The following CFAP54 variants were observed in gnomAD, a reference collection of about 807,000 sequenced individuals.
CFAP54 encodes the protein cilia- and flagella-associated protein 54.
In CFAP54, 290 loss-of-function variants were observed where a neutral mutation model predicts 370.4. The observed-to-expected ratio is 0.78, with a 90% confidence interval of 0.71 to 0.86. The LOEUF is 0.86. Among genes scored for constraint, CFAP54 ranks in the 40% least tolerant of loss-of-function variants. The pLI is 0.00. For missense variants in CFAP54, 3,399 were observed against 3,528.7 expected (o/e 0.96, Z 0.93); for synonymous variants, 1,206 against 1,236.5 (o/e 0.98, Z 0.52).
At chr12:96,644,575 C>T (rs375680234) in intron 33 of CFAP54, among the ~76,000 whole-genome samples, 167 bp downstream of exon 33, 2 of 152,046 alleles carry the variant, frequency 1.3e-5, no homozygotes, top group Non-Finnish European at 2.9e-5. Context: ...AAGAACTTCC[C>T]GAGACTGGTA....
intron 47 of CFAP54, among the ~76,000 whole-genome samples, chr12:96,706,963 G>T (rs923210698): frequency 2.0e-5 from 3 of 152,096 alleles, no homozygotes; most frequent in Non-Finnish European, 4.4e-5. Flanking sequence ...AAAAAGTTGT[G>T]ATTTCATCAG....
At chr12:96,700,572 C>G (rs916523602) in intron 46 of CFAP54, among the ~76,000 whole-genome samples, 1 of 152,132 alleles carries the variant, frequency 6.6e-6, no homozygotes, top group East Asian at 1.9e-4. Flanking sequence ...TCCATATTGT[C>G]TAACCTTTTT....
At chr12:96,554,344 T>C in intron 16 of CFAP54, 34 bp downstream of exon 16, 2 of 1,469,506 alleles carry the variant, frequency 1.4e-6, no homozygotes, top group East Asian at 2.5e-5. Context: ...TAGATTGAAG[T>C]TTTACTTAAC....
Position 96,647,924 on chromosome 12 carries a change from G to A in CFAP54, c.4597G>A (p.Val1533Ile). 1 of 1,515,970 alleles carries A rather than the reference G, an allele frequency of 6.6e-7. No individual in the cohort carries two copies. The highest frequency in any genetic ancestry group is 8.8e-7 in the Non-Finnish European group (1 of 1,139,788). 93.9% of individuals were successfully genotyped at this position (1,515,970 alleles called of 1,614,324 possible). The change falls in exon 34 of 68, where the codon GTA becomes ATA. Residue 1533 changes from valine to isoleucine, a missense_variant. By Grantham distance (29) the Val-to-Ile change is conservative (BLOSUM62 3). Around this residue, in one of 3 missense-constraint regions of CFAP54, gnomAD observed 2,796 missense variants for 2,869.7 expected, o/e 0.97. Transcript: ENST00000524981. ...GTTTTCACTGTATAATTCAGGAACA[G>A]TATTACCAACAAGAAAATTGACTGT... ...NMFSLYNSGT[V>I]LPTRKLTVEN...
chr12:96,820,924 A>G (rs965724326), intron 65 of CFAP54, among the ~76,000 whole-genome samples: 2 of 152,150 alleles, frequency 1.3e-5, no homozygotes, highest in African/African-American at 4.8e-5. Context: ...AATTGTCCCT[A>G]AATTCACTAC....
At position 96,792,504 on chromosome 12, in the gene CFAP54, G is replaced by A. The variant is rs1958711719; in HGVS notation, c.8850+5G>A. 1.3e-6 allele frequency: 2 copies of A among 1,523,444 alleles called. No homozygotes were observed. The highest frequency in any genetic ancestry group is 4.1e-5 in the Admixed American group (2 of 49,132). The allele number at this position is 1,523,444 out of a possible 1,614,324, so 94.4% of individuals were successfully genotyped here. A position where few individuals can be genotyped will look rare whatever the true frequency, so the allele number is the denominator to read the frequency against. ...CCCAAGGAGACAGAACCTATGGTAT[G>A]TAATGTACTTATAGAACTCAATATT... is the stretch of plus-strand genomic sequence containing the variant. On this transcript the variant is annotated splice_donor_5th_base_variant and intron_variant, in intron 63 of 67. Transcript: ENST00000524981.
chr12:96,854,902 G>A (rs1292942328), intron 66 of CFAP54, among the ~76,000 whole-genome samples: 2 of 152,128 alleles, frequency 1.3e-5, no homozygotes, highest in Non-Finnish European at 2.9e-5. Context: ...TATCACTGAG[G>A]AATTAAGCCT....
chr12:96,657,836 T>G, intron 36 of CFAP54, 46 bp from the exon 37 acceptor site: 1 of 1,321,308 alleles, frequency 7.6e-7, no homozygotes, highest in African/African-American at 1.7e-5. Context: ...AAATATGCAG[T>G]AAAATCTGAA....
chr12:96,598,280 A>C (rs1035796434), intron 25 of CFAP54, among the ~76,000 whole-genome samples: 1 of 152,058 alleles, frequency 6.6e-6, no homozygotes, highest in South Asian at 2.1e-4. Context: ...ATGCCATATA[A>C]GCTTCCATTT....
intron 3 of CFAP54, among the ~76,000 whole-genome samples, chr12:96,505,079 T>TAG (rs929660728): frequency 1.3e-5 from 2 of 151,868 alleles, no homozygotes; most frequent in African/African-American, 4.8e-5. Flanking sequence ...TTTTCTTCTT[T>TAG]TTTTTTTGGA....
chr12:96,723,879 C>T (rs900929198), intron 50 of CFAP54, among the ~76,000 whole-genome samples: 6 of 135,048 alleles, frequency 4.4e-5, no homozygotes, highest in South Asian at 2.4e-4. Context: ...CTTCCTGTGT[C>T]CATGTGTTCT....
chr12:96,832,729 A>G (rs1246285602), intron 66 of CFAP54, among the ~76,000 whole-genome samples: 1 of 152,196 alleles, frequency 6.6e-6, no homozygotes, highest in African/African-American at 2.4e-5. Context: ...CAAATGTTAA[A>G]GGTAGTATTT....
chr12:96,759,394 A>G (rs1434945088), intron 58 of CFAP54, among the ~76,000 whole-genome samples: 6 of 152,152 alleles, frequency 3.9e-5, no homozygotes, highest in Non-Finnish European at 1.5e-5. Flanking sequence ...AGAAGTGCTT[A>G]TAATTAAGAA....
chr12:96,802,381 C>T (rs1958829270), intron 63 of CFAP54, among the ~76,000 whole-genome samples: 1 of 152,154 alleles, frequency 6.6e-6, no homozygotes, highest in African/African-American at 2.4e-5. Flanking sequence ...AAGGCCCACC[C>T]AGCTAAGGGA....
intron 22 of CFAP54, among the ~76,000 whole-genome samples, chr12:96,581,974 C>T (rs184783496): frequency 1.3e-5 from 2 of 152,124 alleles, no homozygotes; most frequent in Non-Finnish European, 1.5e-5. Flanking sequence ...AAATCTTTAC[C>T]TACATCCATG....
chr12:96,509,161 CAG>C (rs1278602045), intron 4 of CFAP54, among the ~76,000 whole-genome samples: 2 of 152,096 alleles, frequency 1.3e-5, no homozygotes, highest in Non-Finnish European at 2.9e-5. Flanking sequence ...TGAATTGTGT[CAG>C]ATAGTGACGA....
chr12:96,800,144 T>C (rs367917249), intron 63 of CFAP54, among the ~76,000 whole-genome samples: 2 of 152,286 alleles, frequency 1.3e-5, no homozygotes, highest in Admixed American at 6.5e-5. Flanking sequence ...ACCATATCCA[T>C]ATCAGTTATT....
rs546184508 is a variant in CFAP54, at chr12:96,675,054, A to T, written c.5564-4546A>T. Among the ~76,000 whole-genome samples the T allele has an allele frequency of 4.7e-3, 716 of 152,226 alleles. 5 individuals carry two copies. The highest frequency in any genetic ancestry group is 0.016 in the African/African-American group (678 of 41,534). ...AAGGACTTCATGTCTAAAACACCAA[A>T]AGCAATGGCAACAAAAGCCAAAATT... is the stretch of plus-strand genomic sequence containing the variant. On this transcript the variant is annotated intron_variant, in intron 39 of 67. Coordinates refer to ENST00000524981, the MANE Select transcript of CFAP54 (RefSeq NM_001306084.2).
chr12:96,760,046 T>G (rs7315496), intron 58 of CFAP54, among the ~76,000 whole-genome samples: 114,350 of 152,032 alleles, frequency 0.75, 43,671 homozygotes, highest in East Asian at 0.91. Flanking sequence ...TTCCTAAGGA[T>G]CACAGAGACT....
Sources: gnomAD v4.1 joint callset for allele counts (sites outside exome capture counted in the v4.1 genomes callset) on GRCh38, gnomAD v4.1.1 for gene constraint, gnomAD v4.1.1 regional missense constraint, MANE v1.5 for transcripts, NCBI Gene and HGNC (gene_info 2026-07-23, HGNC 2026-07-21) for gene names.